Variants in CMSS1 observed in about 807,000 individuals in gnomAD.
CMSS1 encodes protein CMSS1.
CMSS1 carries 33 observed loss-of-function variants against 43.5 expected under a neutral mutation model. That is an observed-to-expected ratio of 0.76 (90% CI 0.57 to 1.01). The LOEUF is 1.01. Ranked by LOEUF, CMSS1 falls within the 50% of genes least tolerant of loss-of-function variation. CMSS1 has a pLI of 0.00. For missense variants in CMSS1, 313 were observed against 326.4 expected (o/e 0.96, Z 0.32); for synonymous variants, 115 against 117.2 (o/e 0.98, Z 0.12).
chr3:99,988,511 C>CAAAAAAAAAA (rs757175318), intron 1 of CMSS1, among the ~76,000 whole-genome samples: 2 of 47,820 alleles, frequency 4.2e-5, no homozygotes, highest in African/African-American at 6.8e-5. Flanking sequence ...GACTCCATCT[C>CAAAAAAAAAA]AAAAAAAAAA....
intron 1 of CMSS1, among the ~76,000 whole-genome samples, chr3:99,996,919 A>G (rs1709702659): frequency 6.6e-6 from 1 of 152,210 alleles, no homozygotes; most frequent in Admixed American, 6.5e-5. Flanking sequence ...TGAAGAAATT[A>G]TAATGGAAAT....
At chr3:100,063,016 G>A (rs1423369585) in intron 1 of CMSS1, among the ~76,000 whole-genome samples, 1 of 152,210 alleles carries the variant, frequency 6.6e-6, no homozygotes, top group Non-Finnish European at 1.5e-5. Flanking sequence ...AAATTTCTAG[G>A]AGTTCTCAGG....
chr3:99,818,116 TC>T (rs1942359091), intron 1 of CMSS1, 73 bp downstream of exon 1: 1 of 1,458,012 alleles, frequency 6.9e-7, no homozygotes, highest in African/African-American at 1.4e-5. Flanking sequence ...CCTGGTCGCT[TC>T]TGGCGATCGC....
intron 1 of CMSS1, among the ~76,000 whole-genome samples, chr3:99,905,404 T>TA: frequency 6.6e-6 from 1 of 152,342 alleles, no homozygotes; most frequent in East Asian, 1.9e-4. Context: ...TAATTGCTCT[T>TA]ACTAGGACTA....
chr3:99,992,015 TA>T lies in CMSS1; in HGVS notation c.65-154957del, dbSNP rs565580098. On this transcript the variant is annotated intron_variant, in intron 1 of 9. Coordinates refer to ENST00000421999, the MANE Select transcript of CMSS1 (RefSeq NM_032359.4). ...ATACGTATATATATGTGTGTGTGTA[TA>T]TATATATATACGTGTATATATATAT... Among the ~76,000 whole-genome samples, 404 of 148,866 alleles carry T rather than the reference TA, an allele frequency of 2.7e-3. 1 individual carries two copies. The highest frequency in any genetic ancestry group is 7.4e-3 in the South Asian group (35 of 4,758).
At chr3:99,865,205 GTCT>G (rs1944455069) in intron 1 of CMSS1, among the ~76,000 whole-genome samples, 1 of 152,086 alleles carries the variant, frequency 6.6e-6, no homozygotes. Context: ...AGGTATTACC[GTCT>G]TCTTATTTTA....
chr3:100,038,825 G>A (rs1448623238), intron 1 of CMSS1, among the ~76,000 whole-genome samples: 1 of 152,074 alleles, frequency 6.6e-6, no homozygotes, highest in African/African-American at 2.4e-5. Context: ...TGATACAGCA[G>A]GATCTCCCAG....
At chr3:99,930,100 T>G in intron 1 of CMSS1, 1 of 1,262,276 alleles carries the variant, frequency 7.9e-7, no homozygotes, top group East Asian at 2.4e-5. Flanking sequence ...ATTTTTGTGA[T>G]AGTTGGCAGT....
intron 8 of CMSS1, among the ~76,000 whole-genome samples, chr3:100,173,357 A>C (rs903828186): frequency 6.6e-6 from 1 of 152,152 alleles, no homozygotes; most frequent in Non-Finnish European, 1.5e-5. Flanking sequence ...CTCATTTAGC[A>C]CTCACAGCAT....
intron 1 of CMSS1, among the ~76,000 whole-genome samples, chr3:99,873,507 G>GT (rs935611374): frequency 8.6e-5 from 13 of 151,988 alleles, no homozygotes; most frequent in East Asian, 5.8e-4. Flanking sequence ...GGGGCTGTAT[G>GT]TTTTTTTTCT....
intron 1 of CMSS1, among the ~76,000 whole-genome samples, chr3:100,098,575 C>G (rs1038115408): frequency 4.6e-5 from 7 of 152,198 alleles, no homozygotes; most frequent in Non-Finnish European, 1.0e-4. Flanking sequence ...AACTTCGGCT[C>G]TTGCTGCTAA....
At chr3:99,910,061 C>A (rs1274455251) in intron 1 of CMSS1, among the ~76,000 whole-genome samples, 1 of 135,546 alleles carries the variant, frequency 7.4e-6, no homozygotes, top group African/African-American at 2.5e-5. Context: ...GGGGTCAGCT[C>A]ACCCTCATTG....
intron 1 of CMSS1, among the ~76,000 whole-genome samples, chr3:99,936,177 A>C (rs964896759): frequency 6.6e-6 from 1 of 152,066 alleles, no homozygotes; most frequent in Non-Finnish European, 1.5e-5. Context: ...CAAAAAAGAA[A>C]TCATTTTTGG....
At chr3:99,903,282 C>T (rs551867362) in intron 1 of CMSS1, among the ~76,000 whole-genome samples, 101 of 150,686 alleles carry the variant, frequency 6.7e-4, no homozygotes, top group African/African-American at 2.3e-3. Context: ...GACGGAATCT[C>T]GCTCTGTCAC....
At chr3:100,068,350 C>CTGTGTG (rs62958661) in intron 1 of CMSS1, among the ~76,000 whole-genome samples, 43 of 149,516 alleles carry the variant, frequency 2.9e-4, no homozygotes, top group African/African-American at 8.6e-4. Context: ...GAAAGAGCCT[C>CTGTGTG]TGTGTGTGTG....
chr3:100,086,104 G>C (rs1167526983), intron 1 of CMSS1, among the ~76,000 whole-genome samples: 1 of 152,190 alleles, frequency 6.6e-6, no homozygotes, highest in East Asian at 1.9e-4. Context: ...AGCTTTTAAT[G>C]AAATAAACAT....
chr3:100,158,467 A>G (rs2066995279), intron 2 of CMSS1, among the ~76,000 whole-genome samples: 1 of 152,190 alleles, frequency 6.6e-6, no homozygotes, highest in African/African-American at 2.4e-5. Flanking sequence ...AACATTCATA[A>G]AGCAGTTAAC....
chr3:99,838,050 C>T (rs1356367324), intron 1 of CMSS1, among the ~76,000 whole-genome samples: 5 of 152,200 alleles, frequency 3.3e-5, no homozygotes, highest in African/African-American at 4.8e-5. Context: ...TAATCAGGTA[C>T]CTCCTGCTCT....
At chr3:100,093,976 C>T (rs937153153) in intron 1 of CMSS1, among the ~76,000 whole-genome samples, 1 of 152,110 alleles carries the variant, frequency 6.6e-6, no homozygotes, top group African/African-American at 2.4e-5. Flanking sequence ...GGGATGAATG[C>T]CCAGGAGTGC....
Sources: gnomAD v4.1 joint callset for allele counts (sites outside exome capture counted in the v4.1 genomes callset) on GRCh38, gnomAD v4.1.1 for gene constraint, MANE v1.5 for transcripts, NCBI Gene and HGNC (gene_info 2026-07-23, HGNC 2026-07-21) for gene names.